BEST1: variants seen among roughly 807,000 people sequenced by gnomAD.
BEST1 encodes the protein bestrophin 1.
A neutral mutation model predicts 63.3 loss-of-function variants in BEST1; 58 were observed. The ratio of observed to expected loss-of-function variants is 0.92; its 90% confidence interval spans 0.74 to 1.14. BEST1 has a LOEUF of 1.14. BEST1 is among the 50% of genes most tolerant of loss of function. The pLI is 0.00. For missense variants in BEST1, 671 were observed against 740.1 expected (o/e 0.91, Z 1.08); for synonymous variants, 283 against 291.6 (o/e 0.97, Z 0.30).
At chr11:61,956,746 G>C (rs140755247) in intron 4 of BEST1, 98 bp from the exon 5 acceptor site, 2 of 1,477,230 alleles carry the variant, frequency 1.4e-6, no homozygotes, top group African/African-American at 2.8e-5. Flanking sequence ...AAAGAAAGAG[G>C]ATGGCAAAGG....
At chr11:61,954,359 G>A (rs1941039636) in intron 2 of BEST1, among the ~76,000 whole-genome samples, 1 of 152,070 alleles carries the variant, frequency 6.6e-6, no homozygotes, top group African/African-American at 2.4e-5. Context: ...ACATTCCATG[G>A]GTTTGGATAA....
At position 61,961,954 on chromosome 11, in the gene BEST1, G is replaced by A. The variant is rs1942108166; in HGVS notation, c.1101-301G>A. The A allele has an allele frequency of 9.0e-6, 4 of 445,146 alleles. No individual in the cohort carries two copies. In the East Asian group the frequency reaches 1.3e-4, roughly 14 times the overall value. The allele number at this position is 445,146 out of a possible 1,614,324, so 27.6% of individuals were successfully genotyped here. On this transcript the variant is annotated intron_variant, in intron 9 of 10. Coordinates refer to ENST00000378043, the MANE Select transcript of BEST1 (RefSeq NM_004183.4). ...TGTTTCTGACTGCCTGGAGTGAGGG[G>A]TTTTACAGGGGAAGTGAATGATGAG...
In BEST1 at chr11:61,964,385, G is replaced by GTTC. The variant is rs1480564442; in HGVS notation, c.*265_*267dup. The GTTC allele has an allele frequency of 3.5e-5, 24 of 689,054 alleles. No individual in the cohort carries two copies. Among genetic ancestry groups the GTTC allele is most frequent in the Middle Eastern group, 4.1e-4 (1 of 2,462 alleles). 42.7% of individuals were successfully genotyped at this position (689,054 alleles called of 1,614,324 possible). A position where few individuals can be genotyped will look rare whatever the true frequency, so the allele number is the denominator to read the frequency against. On this transcript the variant is annotated 3_prime_UTR_variant, in exon 11 of 11. Coordinates refer to ENST00000378043, the MANE Select transcript of BEST1 (RefSeq NM_004183.4). ...CTGGATTCAGAGTCGGGAACCCTTA[G>GTTC]TTCTATCTGAATCCAAGACAGCCAC...
At chr11:61,957,298 A>AG in intron 5 of BEST1, 89 bp from the exon 6 acceptor site, 2 of 1,237,524 alleles carry the variant, frequency 1.6e-6, no homozygotes, top group Non-Finnish European at 2.4e-6. Context: ...CATAGGTACC[A>AG]GGCCCTGGTA....
In BEST1 at chr11:61,962,483, G is replaced by A; in HGVS notation, c.1329G>A (p.Lys443=). 3.1e-6 allele frequency: 5 copies of A among 1,614,158 alleles called. No homozygotes were observed. Among genetic ancestry groups the A allele is most frequent in the Non-Finnish European group, 3.4e-6 (4 of 1,180,038 alleles). The change falls in exon 10 of 11, where the codon AAG becomes AAA. Residue 443 remains lysine (K), a synonymous_variant. Transcript: ENST00000378043. ...ACGTTAGGGGCCAGGAAGACAACAAGGCCTGGAAGCTTAAGGCTGTGGACG... is the reference window on the plus strand; with the variant it reads ...ACGTTAGGGGCCAGGAAGACAACAAAGCCTGGAAGCTTAAGGCTGTGGACG... ...KQNVRGQEDN[K]AWKLKAVDAF...
chr11:61,964,276 C>G lies in BEST1; in HGVS notation c.*154C>G, dbSNP rs930367581. 1 of 1,433,232 alleles carries G rather than the reference C, an allele frequency of 7.0e-7. No homozygotes were observed. Among genetic ancestry groups the G allele is most frequent in the African/African-American group, 1.4e-5 (1 of 70,342 alleles). The allele number at this position is 1,433,232 out of a possible 1,614,324, so 88.8% of individuals were successfully genotyped here. On this transcript the variant is annotated 3_prime_UTR_variant, in exon 11 of 11. Coordinates refer to ENST00000378043, the MANE Select transcript of BEST1 (RefSeq NM_004183.4). ...ATGGTTAGCTTAATAGATAAAAATCCCAGACTACTTCAGCCTTTAATGCCT... is the reference window on the plus strand; with the variant it reads ...ATGGTTAGCTTAATAGATAAAAATCGCAGACTACTTCAGCCTTTAATGCCT...
chr11:61,949,952 G>T (rs987312198), upstream of BEST1: 3 of 152,374 alleles, frequency 2.0e-5, no homozygotes, highest in African/African-American at 7.2e-5. Context: ...AGCCCACAGG[G>T]CTGTCAAAGA....
At chr11:61,964,582 T>C, downstream of BEST1, 4 of 936,662 alleles carry the variant, frequency 4.3e-6, no homozygotes, top group Non-Finnish European at 6.5e-6. Flanking sequence ...CAAATTTCTT[T>C]ATTTGAAGGA....
chr11:61,955,547 T>C (rs1177905826), intron 3 of BEST1, 171 bp from the exon 4 acceptor site: 6 of 1,003,788 alleles, frequency 6.0e-6, no homozygotes, highest in Non-Finnish European at 7.1e-6. Flanking sequence ...CTCTCGCGCC[T>C]CCATGCGAGG....
At chr11:61,951,479 G>C (rs1940651335) in intron 1 of BEST1, among the ~76,000 whole-genome samples, 1 of 152,166 alleles carries the variant, frequency 6.6e-6, no homozygotes, top group Non-Finnish European at 1.5e-5. Context: ...AAAGTGCTGG[G>C]ATTATAGGCA....
chr11:61,956,784 G>C, intron 4 of BEST1, 60 bp from the exon 5 acceptor site: 1 of 1,604,512 alleles, frequency 6.2e-7, no homozygotes, highest in South Asian at 1.1e-5. Context: ...AGGTCAGCAG[G>C]TGCCGGCCAT....
intron 4 of BEST1, 66 bp from the exon 5 acceptor site, chr11:61,956,778 C>A: frequency 6.3e-7 from 1 of 1,598,876 alleles, no homozygotes; most frequent in South Asian, 1.1e-5. Flanking sequence ...TCCTATAGGT[C>A]AGCAGGTGCC....
intron 10 of BEST1, chr11:61,963,869 G>C (rs562666877): frequency 7.5e-7 from 1 of 1,329,912 alleles, no homozygotes; most frequent in Non-Finnish European, 9.8e-7. Context: ...GCTGGGCGTC[G>C]TGGTGTGCCT....
chr11:61,957,488 G>A lies in BEST1; in HGVS notation c.714+24G>A, dbSNP rs779800464. On this transcript the variant is annotated intron_variant, in intron 6 of 10. Transcript: ENST00000378043. ...AGGTGAGGACTAGGCTGGTGAGGCT[G>A]CCCTTTTGGGAAACTGAGGCTAGAA... 36 of 1,609,364 alleles carry A rather than the reference G, an allele frequency of 2.2e-5. No homozygotes were observed. The South Asian group carries it at 3.6e-4, about 16-fold the overall frequency.
At chr11:61,959,261 G>C in intron 7 of BEST1, 1 of 584,634 alleles carries the variant, frequency 1.7e-6, no homozygotes, top group South Asian at 1.9e-5. Flanking sequence ...TACACTCAGG[G>C]ACAGCTGTGG....
At chr11:61,955,017 A>ACTCCTACC in intron 2 of BEST1, 90 bp from the exon 3 acceptor site, 1 of 1,577,058 alleles carries the variant, frequency 6.3e-7, no homozygotes, top group African/African-American at 1.3e-5. Flanking sequence ...AGGCAGTCCC[A>ACTCCTACC]CTCCTACCCA....
At chr11:61,963,408 C>T (rs1431563949) in intron 10 of BEST1, 4 of 1,206,482 alleles carry the variant, frequency 3.3e-6, no homozygotes, top group Admixed American at 3.9e-5. Flanking sequence ...GGGTGTCCAG[C>T]GCCCTTAGGT....
In BEST1 at chr11:61,958,247, TGTGCCC is replaced by T; in HGVS notation, c.819_824del (p.Pro274_Val275del). ...ACCCTGGCCATGAGCTGGACCTCGTTGTGCCCGTCTTCACGTTCCTGCAGTTCTTCT... is the reference window on the plus strand; with the variant it reads ...ACCCTGGCCATGAGCTGGACCTCGTTGTCTTCACGTTCCTGCAGTTCTTCT... On this transcript the variant is annotated inframe_deletion, in exon 7 of 11. Coordinates refer to ENST00000378043, the MANE Select transcript of BEST1 (RefSeq NM_004183.4). 1.2e-6 allele frequency: 2 copies of T among 1,614,230 alleles called. No individual in the cohort carries two copies. Among genetic ancestry groups the T allele is most frequent in the Non-Finnish European group, 1.7e-6 (2 of 1,180,028 alleles).
intron 3 of BEST1, 110 bp from the exon 4 acceptor site, chr11:61,955,608 G>A: frequency 7.8e-7 from 1 of 1,289,994 alleles, no homozygotes; most frequent in Non-Finnish European, 1.1e-6. Flanking sequence ...TGGGGGCTAG[G>A]CCCGCTCGCA....
Sources: allele counts gnomAD v4.1 joint callset (sites outside exome capture counted in the v4.1 genomes callset), GRCh38; gene constraint gnomAD v4.1.1; transcripts MANE v1.5; gene names NCBI Gene and HGNC (gene_info 2026-07-23, HGNC 2026-07-21).